ZNF439: variants seen among roughly 807,000 people sequenced by gnomAD.
ZNF439 encodes the protein zinc finger protein 439.
A neutral mutation model predicts 47.3 loss-of-function variants in ZNF439; 40 were observed. That is an observed-to-expected ratio of 0.85 (90% CI 0.66 to 1.10). ZNF439 has a LOEUF of 1.10. Ranked by LOEUF, ZNF439 falls within the 50% of genes least tolerant of loss-of-function variation. The pLI, the probability that ZNF439 is intolerant of heterozygous loss-of-function variation, is 0.00. For synonymous variants in ZNF439, 171 were observed against 198.8 expected, an observed-to-expected ratio of 0.86 and a Z score of 1.18; for missense variants, 556 against 601.1, an observed-to-expected ratio of 0.93 and a Z score of 0.78.
At chr19:11,855,195 T>C (rs1307921910) in intron 1 of ZNF439, among the ~76,000 whole-genome samples, 1 of 152,176 alleles carries the variant, frequency 6.6e-6, no homozygotes, top group Non-Finnish European at 1.5e-5. Flanking sequence ...GCCAAGTTTG[T>C]GCCATGATTT....
In ZNF439 at chr19:11,868,378, C is replaced by A; in HGVS notation, c.1324C>A (p.Pro442Thr). 6.2e-7 allele frequency: 1 copy of A among 1,605,782 alleles called. No homozygotes were observed. Among genetic ancestry groups the A allele is most frequent in the African/African-American group, 1.3e-5 (1 of 74,766 alleles). ...LHGRTHTGEK[P>T]YQCKECGKAF... The stretch of plus-strand genomic sequence containing the variant: ...TGGTAGGACTCACACTGGAGAGAAA[C>A]CGTATCAATGTAAGGAATGTGGGAA... The change falls in exon 4 of 4, where the codon CCG (proline) becomes ACG (threonine). Residue 442 changes from proline to threonine, a missense_variant. Transcript: ENST00000682736.
At chr19:11,855,309 A>AG (rs1360054897) in intron 1 of ZNF439, among the ~76,000 whole-genome samples, 4 of 152,122 alleles carry the variant, frequency 2.6e-5, no homozygotes, top group Non-Finnish European at 4.4e-5. Context: ...GGGTCCATGG[A>AG]GGGGGGTAGG....
In ZNF439 at chr19:11,868,078, T is replaced by A; in HGVS notation, c.1024T>A (p.Ser342Thr). The stretch of plus-strand genomic sequence containing the variant: ...TAAGCAGTGTGGGAAAGCATTATCC[T>A]CTCTTACAAGTTTTCAAACACACAT... The part of the protein sequence containing the change: ...ECKQCGKALS[S>T]LTSFQTHIRM... The change falls in exon 4 of 4, where the codon TCT (serine) becomes ACT (threonine). Residue 342 changes from serine (S) to threonine (T), a missense_variant. Coordinates refer to ENST00000682736, the MANE Select transcript of ZNF439 (RefSeq NM_001348719.2). 1 of 1,614,174 alleles carries A rather than the reference T, an allele frequency of 6.2e-7. No individual in the cohort carries two copies.
chr19:11,868,441 A>G lies in ZNF439; in HGVS notation c.1387A>G (p.Arg463Gly). Residue 463 changes from arginine to glycine, a missense_variant, in exon 4 of 4, where the codon AGG (arginine) becomes GGG (glycine). Arg to Gly is a moderately radical substitution (Grantham distance 125). Coordinates refer to ENST00000682736, the MANE Select transcript of ZNF439 (RefSeq NM_001348719.2). ...TGCCTCACAACTTCGAATCCATCGT[A>G]GGATTCACACTGGAGAGAAACCCTA... is the stretch of plus-strand genomic sequence containing the variant. ...RSASQLRIHR[R>G]IHTGEKPYEC... 1 of 1,613,818 alleles carries G rather than the reference A, an allele frequency of 6.2e-7. No homozygotes were observed. The highest frequency in any genetic ancestry group is 1.3e-5 in the African/African-American group (1 of 74,962).
At chr19:11,852,974 G>T (rs1008702374) in intron 1 of ZNF439, among the ~76,000 whole-genome samples, 1 of 152,000 alleles carries the variant, frequency 6.6e-6, no homozygotes, top group South Asian at 2.1e-4. Flanking sequence ...TTGTTGCCCA[G>T]GGTGGTGTGC....
intron 1 of ZNF439, among the ~76,000 whole-genome samples, chr19:11,863,174 G>A (rs7508565): frequency 4.9e-5 from 1 of 20,604 alleles, no homozygotes; most frequent in Non-Finnish European, 1.3e-4. Context: ...TTTTTTTTTT[G>A]AGTTGTAGTC....
At chr19:11,864,257 G>T (rs1235734455) in intron 1 of ZNF439, among the ~76,000 whole-genome samples, 1 of 152,100 alleles carries the variant, frequency 6.6e-6, no homozygotes, top group Non-Finnish European at 1.5e-5. Flanking sequence ...ATGGGTTAAG[G>T]CTTGTCACAT....
intron 1 of ZNF439, among the ~76,000 whole-genome samples, chr19:11,865,738 A>AC (rs1568260077): frequency 6.9e-6 from 1 of 144,754 alleles, no homozygotes; most frequent in African/African-American, 2.7e-5. Context: ...AAAAAAAAAA[A>AC]AATTGCTGTC....
Position 11,868,014 on chromosome 19 carries a change from A to C in ZNF439, c.960A>C (p.Arg320Ser), listed in dbSNP as rs768497689. The change falls in exon 4 of 4, where the codon AGA becomes AGC. Residue 320 changes from arginine (R) to serine (S), a missense_variant. Physicochemically the swap from Arg to Ser is moderately radical, Grantham distance 110 (BLOSUM62 -1). Transcript: ENST00000682736. Reference sequence around the variant, plus strand: ...TCATGTGTCCCCGTTATGTTCGTAGACATGAAAGGACCCACTCTAGGAAAA... The same window carrying C: ...TCATGTGTCCCCGTTATGTTCGTAGCCATGAAAGGACCCACTCTAGGAAAA... ...KAFMCPRYVR[R>S]HERTHSRKKL... 1 of 1,614,186 alleles carries C rather than the reference A, an allele frequency of 6.2e-7. No homozygotes were observed. The highest frequency in any genetic ancestry group is 2.2e-5 in the East Asian group (1 of 44,888).
At chr19:11,863,068 T>A (rs1568258498) in intron 1 of ZNF439, among the ~76,000 whole-genome samples, 2 of 151,722 alleles carry the variant, frequency 1.3e-5, no homozygotes, top group Admixed American at 1.3e-4. Flanking sequence ...TGCTCTTTAA[T>A]AACATGTAAT....
intron 1 of ZNF439, among the ~76,000 whole-genome samples, chr19:11,858,469 A>C (rs1176533173): frequency 8.2e-6 from 1 of 122,098 alleles, no homozygotes; most frequent in Admixed American, 7.9e-5. Flanking sequence ...CCATCTCGGA[A>C]AAAAAAAAAA....
chr19:11,857,181 A>C (rs1976409257), intron 1 of ZNF439: 2 of 152,366 alleles, frequency 1.3e-5, no homozygotes, highest in Admixed American at 1.3e-4. Context: ...CGTGATGAGT[A>C]ATCACAGGGA....
intron 1 of ZNF439, chr19:11,856,385 G>A (rs1976386506): frequency 6.6e-6 from 1 of 152,142 alleles, no homozygotes; most frequent in East Asian, 1.9e-4. Flanking sequence ...TGAAAAACAT[G>A]GCTAAGTATA....
intron 1 of ZNF439, among the ~76,000 whole-genome samples, chr19:11,863,581 G>T (rs1036491077): frequency 6.6e-6 from 1 of 152,140 alleles, no homozygotes; most frequent in Non-Finnish European, 1.5e-5. Flanking sequence ...TCTGCCACCT[G>T]TCTTTTTATT....
chr19:11,848,776 G>A lies in ZNF439; in HGVS notation c.-92G>A, dbSNP rs903156112. The A allele has an allele frequency of 3.8e-6, 5 of 1,330,942 alleles. No individual in the cohort carries two copies. In the African/African-American group the frequency reaches 7.7e-5, roughly 20 times the overall value. The allele number at this position is 1,330,942 out of a possible 1,614,324, so 82.4% of individuals were successfully genotyped here. A position where few individuals can be genotyped will look rare whatever the true frequency, so the allele number is the denominator to read the frequency against. ...TTGCATTCCTGCCGTCACCTTTGTC[G>A]CTGCGAGGGCGGCGGTTGGGATCTG... On this transcript the variant is annotated 5_prime_UTR_variant, in exon 1 of 4. Coordinates refer to ENST00000682736, the MANE Select transcript of ZNF439 (RefSeq NM_001348719.2).
intron 1 of ZNF439, among the ~76,000 whole-genome samples, chr19:11,860,660 C>A (rs1456635023): frequency 6.6e-6 from 1 of 152,150 alleles, no homozygotes; most frequent in Non-Finnish European, 1.5e-5. Context: ...GGGCACCTTG[C>A]TTCTAGTGAA....
chr19:11,850,154 A>G (rs1371163376), intron 1 of ZNF439: 2 of 152,134 alleles, frequency 1.3e-5, no homozygotes, highest in African/African-American at 4.8e-5. Flanking sequence ...GCTCACTGCA[A>G]CCTCTGCCTT....
intron 1 of ZNF439, among the ~76,000 whole-genome samples, chr19:11,858,738 A>G (rs1210758601): frequency 6.6e-6 from 1 of 152,144 alleles, no homozygotes. Flanking sequence ...GATAGGGGCC[A>G]TTGATCCACC....
At chr19:11,857,584 A>T (rs1976420977) in intron 1 of ZNF439, 1 of 152,268 alleles carries the variant, frequency 6.6e-6, no homozygotes, top group Non-Finnish European at 1.5e-5. Flanking sequence ...CTGCTGAAGC[A>T]TCTGTTCTAC....
Sources: allele counts gnomAD v4.1 joint callset (sites outside exome capture counted in the v4.1 genomes callset), GRCh38; gene constraint gnomAD v4.1.1; transcripts MANE v1.5; gene names NCBI Gene and HGNC (gene_info 2026-07-23, HGNC 2026-07-21).